The following VTI1A variants were observed in gnomAD, a reference collection of about 807,000 sequenced individuals.
VTI1A encodes vesicle transport through interaction with t-SNAREs 1A.
A neutral mutation model predicts 34.9 loss-of-function variants in VTI1A; 22 were observed. That is an observed-to-expected ratio of 0.63 (90% CI 0.45 to 0.90). The LOEUF is 0.90. Ranked by LOEUF, VTI1A falls within the 40% of genes least tolerant of loss-of-function variation. The probability of loss-of-function intolerance (pLI) is 0.00; values close to 1 mark genes in which losing one functional copy is unlikely to be tolerated. For synonymous variants in VTI1A, 87 were observed against 97.3 expected (o/e 0.89, Z 0.62); for missense variants, 268 against 275.6 (o/e 0.97, Z 0.20).
intron 3 of VTI1A, among the ~76,000 whole-genome samples, chr10:112,479,017 AT>A (rs1848375523): frequency 1.3e-5 from 2 of 152,166 alleles, no homozygotes; most frequent in South Asian, 4.1e-4. Context: ...AAATACAAAA[AT>A]TAGCCAGGCG....
intron 7 of VTI1A, among the ~76,000 whole-genome samples, chr10:112,697,532 G>C (rs1848838900): frequency 6.6e-6 from 1 of 151,744 alleles, no homozygotes; most frequent in Non-Finnish European, 1.5e-5. Context: ...GAGTAGCTGG[G>C]ATTACAGGCA....
chr10:112,544,354 C>T (rs1347942543), intron 5 of VTI1A, among the ~76,000 whole-genome samples: 1 of 152,034 alleles, frequency 6.6e-6, no homozygotes, highest in East Asian at 1.9e-4. Context: ...CTCAGCCTCC[C>T]GAGTAGCTGG....
At chr10:112,480,288 A>T (rs1848419360) in intron 3 of VTI1A, among the ~76,000 whole-genome samples, 1 of 152,250 alleles carries the variant, frequency 6.6e-6, no homozygotes, top group Non-Finnish European at 1.5e-5. Context: ...TGTTTTAGTC[A>T]CTTCAATAAA....
intron 3 of VTI1A, among the ~76,000 whole-genome samples, chr10:112,524,240 G>A (rs1447527566): frequency 1.3e-5 from 2 of 151,976 alleles, no homozygotes; most frequent in Non-Finnish European, 2.9e-5. Context: ...AAATACCAAT[G>A]TTGGGCATCT....
intron 3 of VTI1A, among the ~76,000 whole-genome samples, chr10:112,476,313 C>T (rs540267903): frequency 3.3e-5 from 5 of 152,276 alleles, no homozygotes; most frequent in Admixed American, 3.3e-4. Flanking sequence ...AGTGGAATCT[C>T]CGTTTAATTT....
intron 7 of VTI1A, among the ~76,000 whole-genome samples, chr10:112,777,513 A>G (rs1265589093): frequency 1.3e-5 from 2 of 152,336 alleles, no homozygotes; most frequent in South Asian, 2.1e-4. Context: ...AGGAAAGGCC[A>G]TCTCTGGGGC....
chr10:112,804,670 T>G (rs1285836815), intron 7 of VTI1A, among the ~76,000 whole-genome samples: 1 of 152,034 alleles, frequency 6.6e-6, no homozygotes, highest in Non-Finnish European at 1.5e-5. Flanking sequence ...GTCGTGAGGC[T>G]TCTGTCATTC....
At chr10:112,713,728 A>T (rs1849508571) in intron 7 of VTI1A, among the ~76,000 whole-genome samples, 1 of 152,220 alleles carries the variant, frequency 6.6e-6, no homozygotes, top group Non-Finnish European at 1.5e-5. Context: ...AATACATTTC[A>T]TTTAAATTAT....
chr10:112,509,552 G>A (rs1386052118), intron 3 of VTI1A, among the ~76,000 whole-genome samples: 4 of 152,246 alleles, frequency 2.6e-5, no homozygotes, highest in Non-Finnish European at 5.9e-5. Flanking sequence ...GACTCTGGAA[G>A]AGTTTACTAA....
chr10:112,459,927 A>C (rs1201637841), intron 1 of VTI1A, among the ~76,000 whole-genome samples: 1 of 152,190 alleles, frequency 6.6e-6, no homozygotes, highest in Non-Finnish European at 1.5e-5. Flanking sequence ...TTTTATTTCC[A>C]TTTTAGAGAG....
At chr10:112,832,475 A>C in the VTI1A span, 1 of 152,268 alleles carries the variant, frequency 6.6e-6, no homozygotes, top group East Asian at 1.9e-4. Context: ...TTTTAGCCAA[A>C]GGGGCCCTGC....
At chr10:112,827,501 C>T in the VTI1A span, 1 of 151,966 alleles carries the variant, frequency 6.6e-6, no homozygotes, top group Admixed American at 6.6e-5. Flanking sequence ...CCCCCAGCAC[C>T]GTGTGGCACC....
At chr10:112,477,971 C>T (rs1848331470) in intron 3 of VTI1A, among the ~76,000 whole-genome samples, 1 of 152,090 alleles carries the variant, frequency 6.6e-6, no homozygotes. Context: ...TTACTATCCT[C>T]ATAGCTAGCA....
Position 112,581,221 on chromosome 10 carries a change from C to T in VTI1A, c.427+42891C>T, listed in dbSNP as rs112760720. On this transcript the variant is annotated intron_variant, in intron 5 of 7. Transcript: ENST00000393077. ...CTCTGGGATTGCAGTGGGCTGGCTG[C>T]ATCATTCTCTCTGCATAGCCCTTTC... Among the ~76,000 whole-genome samples, 78 of 152,350 alleles carry T rather than the reference C, an allele frequency of 5.1e-4. 1 individual carries two copies. Among genetic ancestry groups the T allele is most frequent in the African/African-American group, 1.8e-3 (73 of 41,578 alleles).
intron 5 of VTI1A, among the ~76,000 whole-genome samples, chr10:112,659,296 C>G (rs1291190922): frequency 6.6e-6 from 1 of 152,172 alleles, no homozygotes; most frequent in Non-Finnish European, 1.5e-5. Flanking sequence ...TGGCTTTTTA[C>G]AGGCTTTATT....
chr10:112,778,424 G>A (rs754181863), intron 7 of VTI1A, among the ~76,000 whole-genome samples: 15 of 152,280 alleles, frequency 9.9e-5, no homozygotes, highest in African/African-American at 2.6e-4. Flanking sequence ...ATGTCACCAC[G>A]TGAACCGATT....
chr10:112,591,245 G>T (rs938592401), intron 5 of VTI1A, among the ~76,000 whole-genome samples: 2 of 152,194 alleles, frequency 1.3e-5, no homozygotes, highest in African/African-American at 4.8e-5. Context: ...TGTTGACCGG[G>T]CGTGGTGGCT....
At chr10:112,549,142 G>C (rs1451189723) in intron 5 of VTI1A, among the ~76,000 whole-genome samples, 1 of 152,144 alleles carries the variant, frequency 6.6e-6, no homozygotes, top group East Asian at 1.9e-4. Context: ...TGAGAAAATA[G>C]ACCCAAAAAG....
intron 7 of VTI1A, among the ~76,000 whole-genome samples, chr10:112,745,977 G>A (rs567207248): frequency 2.9e-4 from 44 of 152,144 alleles, no homozygotes; most frequent in Non-Finnish European, 6.3e-4. Context: ...GCTAATTCAT[G>A]TCTTGTATTA....
Sources: gnomAD v4.1 joint callset for allele counts (sites outside exome capture counted in the v4.1 genomes callset) on GRCh38, gnomAD v4.1.1 for gene constraint, MANE v1.5 for transcripts, NCBI Gene and HGNC (gene_info 2026-07-23, HGNC 2026-07-21) for gene names.